IQUB: variants seen among roughly 807,000 people sequenced by gnomAD.
IQUB encodes the protein IQ motif and ubiquitin-like domain-containing protein.
Under a neutral mutation model 86.4 loss-of-function variants are expected in IQUB, and 86 were observed. The observed-to-expected ratio is 1.00, with a 90% CI of 0.84 to 1.19. The LOEUF (loss-of-function observed/expected upper bound fraction) is 1.19, where lower values mean the gene tolerates loss of function less well. IQUB is among the 50% of genes most tolerant of loss of function. The pLI is 0.00. For synonymous variants in IQUB, 289 were observed against 304.5 expected (o/e 0.95, Z 0.53); for missense variants, 946 against 916.9 (o/e 1.03, Z -0.41).
At chr7:123,486,778 G>A (rs573344522) in intron 7 of IQUB, among the ~76,000 whole-genome samples, 1 of 152,268 alleles carries the variant, frequency 6.6e-6, no homozygotes, top group South Asian at 2.1e-4. Flanking sequence ...AGAAAGTCAA[G>A]AATAATGAAG....
In IQUB at chr7:123,503,368, A is replaced by G. The variant is rs781168199; in HGVS notation, c.533-5T>C. ...CATTATTTTTAAGAATTTTTCCTAA[A>G]AATTGAAATAAAATTTTTAAAAGTT... On this transcript the variant is annotated splice_region_variant and splice_polypyrimidine_tract_variant and intron_variant, in intron 3 of 12. Coordinates refer to ENST00000324698, the MANE Select transcript of IQUB (RefSeq NM_178827.5). 2 of 1,437,590 alleles carry G rather than the reference A, an allele frequency of 1.4e-6. No homozygotes were observed. The highest frequency in any genetic ancestry group is 4.6e-5 in the East Asian group (2 of 43,218). The allele number at this position is 1,437,590 out of a possible 1,614,324, so 89.1% of individuals were successfully genotyped here. A position where few individuals can be genotyped will look rare whatever the true frequency, so the allele number is the denominator to read the frequency against.
chr7:123,494,245 A>G (rs989920338), intron 7 of IQUB, among the ~76,000 whole-genome samples: 2 of 152,086 alleles, frequency 1.3e-5, no homozygotes, highest in African/African-American at 4.8e-5. Flanking sequence ...TTGACATATT[A>G]CCTTATACAG....
At chr7:123,505,794 T>A (rs1169386738) in intron 3 of IQUB, among the ~76,000 whole-genome samples, 1 of 152,240 alleles carries the variant, frequency 6.6e-6, no homozygotes, top group East Asian at 1.9e-4. Flanking sequence ...TGGCTCCTTT[T>A]TATTATATAA....
chr7:123,465,030 T>C (rs1401037321), intron 9 of IQUB, 21 bp from the exon 10 acceptor site: 15 of 1,457,620 alleles, frequency 1.0e-5, no homozygotes, highest in African/African-American at 1.5e-5. Context: ...CACAAAAATA[T>C]ATGGTATAAA....
intron 7 of IQUB, among the ~76,000 whole-genome samples, chr7:123,481,598 C>A (rs902658307): frequency 1.3e-5 from 2 of 152,072 alleles, no homozygotes; most frequent in African/African-American, 4.8e-5. Flanking sequence ...CAAAAAGGCA[C>A]ACAAATGTTA....
At chr7:123,463,910 A>G (rs1794123708) in intron 10 of IQUB, among the ~76,000 whole-genome samples, 1 of 151,814 alleles carries the variant, frequency 6.6e-6, no homozygotes, top group African/African-American at 2.4e-5. Flanking sequence ...TGGTTTGAGT[A>G]AGAAATAATA....
chr7:123,479,524 C>A (rs758415828), intron 8 of IQUB, among the ~76,000 whole-genome samples: 1 of 152,068 alleles, frequency 6.6e-6, no homozygotes, highest in Non-Finnish European at 1.5e-5. Flanking sequence ...AACAGAGTCA[C>A]AAGAAATGTG....
chr7:123,492,691 T>C (rs1795524154), intron 7 of IQUB, among the ~76,000 whole-genome samples: 1 of 152,184 alleles, frequency 6.6e-6, no homozygotes, highest in Admixed American at 6.5e-5. Flanking sequence ...GTTTCTCTTC[T>C]GTACTCCTTT....
In IQUB at chr7:123,502,642, T is replaced by G. The variant is rs1355577982; in HGVS notation, c.978A>C (p.Gly326=). The G allele has an allele frequency of 6.2e-7, 1 of 1,613,062 alleles. No homozygotes were observed. The highest frequency in any genetic ancestry group is 1.7e-5 in the Admixed American group (1 of 59,886). Residue 326 remains glycine (G), a synonymous_variant, in exon 6 of 13, where the codon GGA becomes GGC. Coordinates refer to ENST00000324698, the MANE Select transcript of IQUB (RefSeq NM_178827.5). ...GGTATTCTGCTGCTGAAAAATACTTTCCTGGTGTTACCAGTTTATCAGTCA... is the reference window on the plus strand; with the variant it reads ...GGTATTCTGCTGCTGAAAAATACTTGCCTGGTGTTACCAGTTTATCAGTCA... ...SNMTDKLVTP[G]KYFSAAEYHA...
At chr7:123,484,952 A>G (rs1392047674) in intron 7 of IQUB, among the ~76,000 whole-genome samples, 1 of 152,138 alleles carries the variant, frequency 6.6e-6, no homozygotes, top group African/African-American at 2.4e-5. Flanking sequence ...AAGACACAGG[A>G]GCAGCTAAAC....
At chr7:123,515,500 G>A (rs1796599130) in intron 1 of IQUB, among the ~76,000 whole-genome samples, 1 of 152,018 alleles carries the variant, frequency 6.6e-6, no homozygotes, top group African/African-American at 2.4e-5. Context: ...AATTAAGCAG[G>A]GCCAGGCCTA....
intron 8 of IQUB, among the ~76,000 whole-genome samples, chr7:123,474,121 C>T (rs1252253179): frequency 1.3e-5 from 2 of 152,048 alleles, no homozygotes; most frequent in Non-Finnish European, 2.9e-5. Flanking sequence ...AATATTGTTT[C>T]AATAAACCAC....
chr7:123,496,955 G>C (rs1022755714), intron 6 of IQUB, 49 bp from the exon 7 acceptor site: 5 of 1,193,226 alleles, frequency 4.2e-6, no homozygotes, highest in Non-Finnish European at 4.7e-6. Context: ...TCAACTTTTT[G>C]ATCAGACAAT....
At chr7:123,499,282 G>C (rs1795840751) in intron 6 of IQUB, among the ~76,000 whole-genome samples, 1 of 151,960 alleles carries the variant, frequency 6.6e-6, no homozygotes, top group Non-Finnish European at 1.5e-5. Context: ...GCTAATTCTT[G>C]TATTTTTAGT....
intron 9 of IQUB, among the ~76,000 whole-genome samples, chr7:123,466,198 T>G (rs1794254382): frequency 1.3e-5 from 2 of 152,074 alleles, no homozygotes; most frequent in Non-Finnish European, 2.9e-5. Context: ...CATAAATGAA[T>G]AGAGTCAGAA....
chr7:123,475,218 A>C (rs1278939576), intron 8 of IQUB, among the ~76,000 whole-genome samples: 1 of 152,124 alleles, frequency 6.6e-6, no homozygotes, highest in Non-Finnish European at 1.5e-5. Context: ...TTTTCCTGGA[A>C]CAGAACAATT....
At chr7:123,467,540 C>T (rs900456033) in intron 9 of IQUB, among the ~76,000 whole-genome samples, 6 of 152,182 alleles carry the variant, frequency 3.9e-5, no homozygotes, top group Non-Finnish European at 7.3e-5. Flanking sequence ...CTGTGAGAGT[C>T]TGGGGTATGT....
chr7:123,472,956 C>T (rs1267087631), intron 8 of IQUB, among the ~76,000 whole-genome samples: 3 of 152,080 alleles, frequency 2.0e-5, no homozygotes, highest in African/African-American at 7.2e-5. Context: ...ACAAAAGAGA[C>T]AGCACAGACC....
chr7:123,492,436 A>G (rs1395896548), intron 7 of IQUB, among the ~76,000 whole-genome samples: 1 of 152,220 alleles, frequency 6.6e-6, no homozygotes, highest in East Asian at 1.9e-4. Flanking sequence ...AGCACATAGG[A>G]GAAAAGCTGT....
Sources: gnomAD v4.1 joint callset for allele counts (sites outside exome capture counted in the v4.1 genomes callset) on GRCh38, gnomAD v4.1.1 for gene constraint, MANE v1.5 for transcripts, NCBI Gene and HGNC (gene_info 2026-07-23, HGNC 2026-07-21) for gene names.